RPS6KA5: variants seen among roughly 807,000 people sequenced by gnomAD.
The protein encoded by RPS6KA5 is ribosomal protein S6 kinase alpha-5.
In RPS6KA5, 27 loss-of-function variants were observed where a neutral mutation model predicts 85.5. That is an observed-to-expected ratio of 0.32 (90% CI 0.23 to 0.44). The LOEUF (loss-of-function observed/expected upper bound fraction) is 0.44. Ranked by LOEUF, RPS6KA5 falls within the 20% of genes least tolerant of loss-of-function variation. RPS6KA5 has a pLI of 1.00. For missense variants in RPS6KA5, 811 were observed against 980.9 expected (o/e 0.83, Z 2.31); for synonymous variants, 334 against 348.2 (o/e 0.96, Z 0.46).
chr14:91,017,911 A>C (rs990606334), intron 1 of RPS6KA5, among the ~76,000 whole-genome samples: 2 of 152,232 alleles, frequency 1.3e-5, no homozygotes, highest in African/African-American at 4.8e-5. Context: ...AGGGAGTTAC[A>C]GTGTTGGCTC....
At chr14:90,931,930 T>C (rs368122387) in intron 5 of RPS6KA5, among the ~76,000 whole-genome samples, 5 of 152,222 alleles carry the variant, frequency 3.3e-5, no homozygotes, top group Admixed American at 2.0e-4. Flanking sequence ...ATAGAATATG[T>C]CATGTATGTA....
chr14:90,983,967 C>T (rs1165503191), intron 2 of RPS6KA5, among the ~76,000 whole-genome samples: 2 of 152,132 alleles, frequency 1.3e-5, no homozygotes, highest in Non-Finnish European at 2.9e-5. Context: ...ATCCCAGCCT[C>T]CGGATTAGCT....
intron 7 of RPS6KA5, among the ~76,000 whole-genome samples, chr14:90,912,929 T>TTTTTG (rs2035907839): frequency 1.4e-5 from 2 of 143,288 alleles, no homozygotes; most frequent in African/African-American, 5.5e-5. Context: ...TTTTTTTTTT[T>TTTTTG]GGGTGGAGTC....
At position 90,912,082 on chromosome 14, in the gene RPS6KA5, C is replaced by G. The variant is rs529885701; in HGVS notation, c.807-5783G>C. 1.5e-4 allele frequency among the ~76,000 whole-genome samples: 23 copies of G among 152,270 alleles called. 1 individual carries two copies. In the East Asian group the frequency reaches 4.4e-3, roughly 29 times the overall value. On this transcript the variant is annotated intron_variant, in intron 7 of 16. Transcript: ENST00000614987. ...GCCCACCCCCAGGGAACCAAACCTC[C>G]TTTGTCCTCCCCCAGCATTCTTCTT...
chr14:90,926,205 G>A (rs2036658699), intron 5 of RPS6KA5, among the ~76,000 whole-genome samples: 1 of 151,742 alleles, frequency 6.6e-6, no homozygotes, highest in Admixed American at 6.6e-5. Context: ...AGGAGTTCGA[G>A]AACAGCCTGG....
intron 3 of RPS6KA5, among the ~76,000 whole-genome samples, chr14:90,968,156 T>C (rs2039158734): frequency 6.6e-6 from 1 of 152,162 alleles, no homozygotes; most frequent in Admixed American, 6.5e-5. Context: ...TTTTCTAGCT[T>C]CTAGATACAG....
intron 1 of RPS6KA5, among the ~76,000 whole-genome samples, chr14:91,043,560 A>G (rs763740825): frequency 2.0e-5 from 3 of 152,196 alleles, no homozygotes; most frequent in Admixed American, 6.6e-5. Context: ...TTGGAAGAAG[A>G]ATAATAATAA....
intron 3 of RPS6KA5, among the ~76,000 whole-genome samples, chr14:90,968,000 C>A (rs1251603684): frequency 6.6e-6 from 1 of 152,164 alleles, no homozygotes; most frequent in Admixed American, 6.5e-5. Context: ...GAAGTTACCA[C>A]AGACTTAGTG....
chr14:91,014,306 T>A (rs1293109619), intron 1 of RPS6KA5, among the ~76,000 whole-genome samples: 1 of 151,934 alleles, frequency 6.6e-6, no homozygotes, highest in Non-Finnish European at 1.5e-5. Flanking sequence ...GTCGAGACCA[T>A]CCTAGCCAAC....
intron 5 of RPS6KA5, among the ~76,000 whole-genome samples, chr14:90,924,629 T>TA (rs909563198): frequency 1.3e-5 from 2 of 151,954 alleles, no homozygotes; most frequent in Non-Finnish European, 2.9e-5. Context: ...TTATCACAGT[T>TA]AAAAAAAATG....
intron 15 of RPS6KA5, among the ~76,000 whole-genome samples, chr14:90,874,002 T>TC (rs1206461841): frequency 6.6e-6 from 1 of 152,206 alleles, no homozygotes; most frequent in Non-Finnish European, 1.5e-5. Flanking sequence ...AGCCTATTTC[T>TC]AGGAAGCTCC....
In RPS6KA5 at chr14:90,873,621, C is replaced by T. The variant is rs758092249; in HGVS notation, c.2160+11G>A. On this transcript the variant is annotated intron_variant, in intron 16 of 16. Transcript: ENST00000614987. The stretch of plus-strand genomic sequence containing the variant: ...CAAACCGCCCAACATGTACAGAGCA[C>T]AGGGCCTTACGTGGAAGGTTGCTTT... 9 of 1,612,810 alleles carry T rather than the reference C, an allele frequency of 5.6e-6. No homozygotes were observed. In the East Asian group the frequency reaches 1.8e-4, roughly 32 times the overall value.
chr14:90,920,750 A>T (rs1463657794), intron 6 of RPS6KA5, among the ~76,000 whole-genome samples: 1 of 151,914 alleles, frequency 6.6e-6, no homozygotes, highest in African/African-American at 2.4e-5. Flanking sequence ...TTTTTCTTAT[A>T]GAACCTATCA....
intron 1 of RPS6KA5, among the ~76,000 whole-genome samples, chr14:91,024,136 T>G (rs536227955): frequency 1.2e-4 from 19 of 152,230 alleles, no homozygotes; most frequent in Admixed American, 1.1e-3. Flanking sequence ...TTATTAAATT[T>G]GTATTTAAAT....
intron 16 of RPS6KA5, among the ~76,000 whole-genome samples, chr14:90,872,558 A>G (rs1205885999): frequency 6.6e-6 from 1 of 152,204 alleles, no homozygotes; most frequent in Non-Finnish European, 1.5e-5. Context: ...TCTGAGAGTC[A>G]CAATTCTAAT....
Position 90,897,955 on chromosome 14 carries a change from T to C in RPS6KA5, c.1473+1374A>G, listed in dbSNP as rs977579503. On this transcript the variant is annotated intron_variant, in intron 12 of 16. Coordinates refer to ENST00000614987, the MANE Select transcript of RPS6KA5 (RefSeq NM_004755.4). ...CCTCCTCTTGTGTCGAGTGGCTTGA[T>C]GAGGCAAGAGGAGGTAGAGGATCAG... 2.0e-5 allele frequency among the ~76,000 whole-genome samples: 3 copies of C among 152,144 alleles called. No homozygotes were observed. In the South Asian group the frequency reaches 6.2e-4, roughly 31 times the overall value.
chr14:90,943,797 A>C lies in RPS6KA5; in HGVS notation c.511-612T>G, dbSNP rs146305772. Among the ~76,000 whole-genome samples the C allele has an allele frequency of 3.5e-3, 528 of 152,306 alleles. 3 individuals carry two copies. Among genetic ancestry groups the C allele is most frequent in the African/African-American group, 0.012 (503 of 41,552 alleles). ...GTTGATTAACAGGCTCTTAAACATA[A>C]AGGTTGAAGATCATAGGTTAATTTT... On this transcript the variant is annotated intron_variant, in intron 4 of 16. Coordinates refer to ENST00000614987, the MANE Select transcript of RPS6KA5 (RefSeq NM_004755.4).
At chr14:90,965,711 A>C (rs1487070000) in intron 3 of RPS6KA5, among the ~76,000 whole-genome samples, 1 of 152,140 alleles carries the variant, frequency 6.6e-6, no homozygotes, top group Non-Finnish European at 1.5e-5. Context: ...TTAGCAATCT[A>C]GTATTGGGAA....
At chr14:90,909,079 G>C (rs1297177098) in intron 7 of RPS6KA5, among the ~76,000 whole-genome samples, 3 of 152,210 alleles carry the variant, frequency 2.0e-5, no homozygotes, top group African/African-American at 7.2e-5. Flanking sequence ...CCAGATTCCA[G>C]TCTATTGTGA....
Sources: allele counts gnomAD v4.1 joint callset (sites outside exome capture counted in the v4.1 genomes callset), GRCh38; gene constraint gnomAD v4.1.1; transcripts MANE v1.5; gene names NCBI Gene and HGNC (gene_info 2026-07-23, HGNC 2026-07-21).